MTUS2: variants seen among roughly 807,000 people sequenced by gnomAD.
MTUS2 encodes microtubule-associated tumor suppressor candidate 2.
A neutral mutation model predicts 114.1 loss-of-function variants in MTUS2; 40 were observed. The observed-to-expected ratio is 0.35, with a 90% CI of 0.27 to 0.46. MTUS2 has a LOEUF of 0.46. MTUS2 is among the 20% of genes least tolerant of loss of function. MTUS2 has a pLI of 1.00. For synonymous variants in MTUS2, 688 were observed against 672.0 expected, an observed-to-expected ratio of 1.02 and a Z score of -0.37; for missense variants, 1,679 against 1,705.4, an observed-to-expected ratio of 0.98 and a Z score of 0.27.
At chr13:29,168,914 G>GTGTGTGTGTGTGTGTGTC (rs1893434630) in intron 5 of MTUS2, among the ~76,000 whole-genome samples, 1 of 151,956 alleles carries the variant, frequency 6.6e-6, no homozygotes, top group Admixed American at 6.6e-5. Flanking sequence ...GTGTGTGTGT[G>GTGTGTGTGTGTGTGTGTC]TGTGAAGAAT....
intron 8 of MTUS2, among the ~76,000 whole-genome samples, chr13:29,434,422 T>C (rs1877261765): frequency 6.6e-6 from 1 of 152,224 alleles, no homozygotes; most frequent in Non-Finnish European, 1.5e-5. Flanking sequence ...GTTCTGTAAT[T>C]GTTCATCCAT....
intron 5 of MTUS2, among the ~76,000 whole-genome samples, chr13:29,219,017 A>G (rs1202042667): frequency 6.7e-6 from 1 of 148,418 alleles, no homozygotes; most frequent in African/African-American, 2.5e-5. Context: ...ACATGTGCAC[A>G]TTGTGCAGGT....
intron 2 of MTUS2, among the ~76,000 whole-genome samples, chr13:29,002,470 A>G (rs1179882907): frequency 6.6e-6 from 1 of 152,214 alleles, no homozygotes; most frequent in East Asian, 1.9e-4. Flanking sequence ...TATCTATTAC[A>G]AAGTGGTTTC....
At chr13:29,501,587 T>C (rs1015355060) in intron 15 of MTUS2, among the ~76,000 whole-genome samples, 3 of 152,178 alleles carry the variant, frequency 2.0e-5, no homozygotes, top group African/African-American at 4.8e-5. Context: ...CCTGTCCCTG[T>C]GGGGCCACGC....
At chr13:29,164,841 A>G (rs762693099) in intron 5 of MTUS2, among the ~76,000 whole-genome samples, 3 of 152,234 alleles carry the variant, frequency 2.0e-5, no homozygotes, top group African/African-American at 7.2e-5. Context: ...ATGCTCTACT[A>G]TTAGTAGTAA....
At chr13:29,094,739 CTTCT>C (rs1406398037) in intron 4 of MTUS2, among the ~76,000 whole-genome samples, 3 of 151,702 alleles carry the variant, frequency 2.0e-5, no homozygotes, top group African/African-American at 7.3e-5. Flanking sequence ...TTAGTTTGCT[CTTCT>C]TTCTTCAGTG....
At chr13:29,304,102 C>T (rs1009304334) in intron 6 of MTUS2, among the ~76,000 whole-genome samples, 2 of 152,094 alleles carry the variant, frequency 1.3e-5, no homozygotes, top group African/African-American at 2.4e-5. Context: ...GAATTCATCA[C>T]CACCAGGCCT....
At chr13:29,254,456 C>T (rs762780340) in intron 5 of MTUS2, among the ~76,000 whole-genome samples, 12 of 152,186 alleles carry the variant, frequency 7.9e-5, no homozygotes, top group African/African-American at 2.7e-4. Flanking sequence ...ACTTGATGGA[C>T]CTTGGTACAG....
chr13:28,900,570 C>T (rs886830697), intron 2 of MTUS2, among the ~76,000 whole-genome samples: 1 of 152,196 alleles, frequency 6.6e-6, no homozygotes, highest in Non-Finnish European at 1.5e-5. Flanking sequence ...ACTTTTTCCC[C>T]TCAGAATAAT....
intron 4 of MTUS2, among the ~76,000 whole-genome samples, chr13:29,085,692 T>G (rs187999949): frequency 2.6e-5 from 4 of 152,220 alleles, no homozygotes; most frequent in African/African-American, 9.6e-5. Flanking sequence ...CCACCATTCA[T>G]TGGGCACCTA....
intron 7 of MTUS2, among the ~76,000 whole-genome samples, chr13:29,336,581 C>T (rs908400689): frequency 1.3e-5 from 2 of 152,200 alleles, no homozygotes; most frequent in African/African-American, 4.8e-5. Context: ...TTTATTGACC[C>T]CTGCTGGGAG....
chr13:29,279,502 T>C (rs142137104), intron 5 of MTUS2, among the ~76,000 whole-genome samples: 103 of 152,346 alleles, frequency 6.8e-4, no homozygotes, highest in African/African-American at 2.3e-3. Flanking sequence ...TATTGTGAAG[T>C]ACTGGGAGCA....
chr13:29,477,262 G>A (rs1376181350), intron 9 of MTUS2, among the ~76,000 whole-genome samples: 5 of 152,114 alleles, frequency 3.3e-5, no homozygotes, highest in Non-Finnish European at 5.9e-5. Flanking sequence ...ACATTCTATG[G>A]TCTTTGTTCT....
intron 2 of MTUS2, among the ~76,000 whole-genome samples, chr13:28,911,221 G>A (rs888217653): frequency 7.2e-6 from 1 of 139,492 alleles, no homozygotes; most frequent in African/African-American, 2.7e-5. Flanking sequence ...CTGTCACCAG[G>A]CTGGAATGCA....
At chr13:28,931,361 C>T (rs1047275082) in intron 2 of MTUS2, among the ~76,000 whole-genome samples, 1 of 152,132 alleles carries the variant, frequency 6.6e-6, no homozygotes, top group African/African-American at 2.4e-5. Context: ...GAGGGAGGAA[C>T]CTGGTGGGAG....
intron 2 of MTUS2, 109 bp downstream of exon 2, chr13:28,839,959 TAG>T (rs1566169398): frequency 1.3e-5 from 2 of 149,088 alleles, no homozygotes; most frequent in Non-Finnish European, 3.0e-5. Flanking sequence ...TAGCTGGTGG[TAG>T]TTTTTTTTTT....
At chr13:29,218,307 G>A (rs1004725961) in intron 5 of MTUS2, among the ~76,000 whole-genome samples, 7 of 152,052 alleles carry the variant, frequency 4.6e-5, no homozygotes, top group African/African-American at 1.7e-4. Context: ...CTTCAGCCTC[G>A]CCTTCTAATT....
intron 2 of MTUS2, among the ~76,000 whole-genome samples, chr13:28,952,331 T>C (rs1397688777): frequency 1.3e-5 from 2 of 152,238 alleles, no homozygotes; most frequent in African/African-American, 2.4e-5. Context: ...CATTTGTACA[T>C]ACACTGATAT....
chr13:28,981,854 G>A (rs1311160519), intron 2 of MTUS2, among the ~76,000 whole-genome samples: 4 of 152,188 alleles, frequency 2.6e-5, no homozygotes, highest in Non-Finnish European at 5.9e-5. Context: ...CAGGATGAGT[G>A]CGGCCCACCA....
Sources: gnomAD v4.1 joint callset for allele counts (sites outside exome capture counted in the v4.1 genomes callset) on GRCh38, gnomAD v4.1.1 for gene constraint, MANE v1.5 for transcripts, NCBI Gene and HGNC (gene_info 2026-07-23, HGNC 2026-07-21) for gene names.